Variants in RPL39L observed in about 807,000 individuals in gnomAD.
RPL39L encodes ribosomal protein eL39-like 2.
For synonymous variants in RPL39L, 16 were observed against 20.1 expected, an observed-to-expected ratio of 0.80 and a Z score of 0.55; for missense variants, 48 against 58.9, an observed-to-expected ratio of 0.81 and a Z score of 0.61.
At chr3:187,138,764 A>G (rs955519047) in intron 1 of RPL39L, among the ~76,000 whole-genome samples, 2 of 152,154 alleles carry the variant, frequency 1.3e-5, no homozygotes, top group African/African-American at 4.8e-5. Flanking sequence ...TGGCCTCCAG[A>G]AGCCACTACT....
intron 1 of RPL39L, among the ~76,000 whole-genome samples, chr3:187,134,333 G>T (rs73886103): frequency 0.024 from 3,673 of 152,028 alleles, 155 homozygotes; most frequent in African/African-American, 0.085. Context: ...GATATTTTTG[G>T]TTGTCACCAC....
At chr3:187,137,523 G>T (rs983902649) in intron 1 of RPL39L, among the ~76,000 whole-genome samples, 1 of 150,118 alleles carries the variant, frequency 6.7e-6, no homozygotes, top group African/African-American at 2.5e-5. Flanking sequence ...AAAAGAAAAA[G>T]AAAAATTGGC....
At chr3:187,123,757 A>G (rs1321186525) in intron 2 of RPL39L, among the ~76,000 whole-genome samples, 4 of 152,212 alleles carry the variant, frequency 2.6e-5, no homozygotes, top group Non-Finnish European at 5.9e-5. Flanking sequence ...TAGTAAGATA[A>G]AGAACTACAG....
At chr3:187,127,335 AT>A (rs1720414843) in intron 2 of RPL39L, among the ~76,000 whole-genome samples, 1 of 152,202 alleles carries the variant, frequency 6.6e-6, no homozygotes, top group Non-Finnish European at 1.5e-5. Context: ...GGACCCAAGA[AT>A]TTGCATTTCT....
At chr3:187,132,506 T>C (rs2108469783) in intron 1 of RPL39L, among the ~76,000 whole-genome samples, 1 of 152,314 alleles carries the variant, frequency 6.6e-6, no homozygotes, top group South Asian at 2.1e-4. Flanking sequence ...GACAAAAGAA[T>C]GGCAGATGCT....
At chr3:187,123,641 A>T (rs573246926) in intron 2 of RPL39L, among the ~76,000 whole-genome samples, 2 of 152,328 alleles carry the variant, frequency 1.3e-5, no homozygotes, top group East Asian at 1.9e-4. Flanking sequence ...TGGGTTGCCA[A>T]CAAACCCAGA....
At chr3:187,131,728 T>C (rs1230559794) in intron 1 of RPL39L, among the ~76,000 whole-genome samples, 1 of 152,202 alleles carries the variant, frequency 6.6e-6, no homozygotes, top group Non-Finnish European at 1.5e-5. Flanking sequence ...AAAGCTTATG[T>C]AGGTGAGGAT....
At chr3:187,132,850 C>T (rs977917573) in intron 1 of RPL39L, among the ~76,000 whole-genome samples, 3 of 152,292 alleles carry the variant, frequency 2.0e-5, no homozygotes, top group African/African-American at 7.2e-5. Context: ...CAGATCCAGG[C>T]AAACTGGAAC....
At chr3:187,137,821 CAAAA>C (rs36040788) in intron 1 of RPL39L, among the ~76,000 whole-genome samples, 3 of 115,644 alleles carry the variant, frequency 2.6e-5, no homozygotes, top group Non-Finnish European at 2.1e-5. Flanking sequence ...TACTCCGTCT[CAAAA>C]AAAAAAAAAA....
chr3:187,134,690 A>T (rs1157516506), intron 1 of RPL39L, among the ~76,000 whole-genome samples: 2 of 152,180 alleles, frequency 1.3e-5, no homozygotes, highest in African/African-American at 4.8e-5. Flanking sequence ...GTAAGTGCAT[A>T]ACCTAAGTAG....
chr3:187,137,198 C>CCAA (rs1720595085), intron 1 of RPL39L, among the ~76,000 whole-genome samples: 1 of 37,626 alleles, frequency 2.7e-5, no homozygotes, highest in Non-Finnish European at 5.1e-5. Flanking sequence ...CACTCTTCCT[C>CCAA]AAAAAAAAAA....
At position 187,139,401 on chromosome 3, in the gene RPL39L, G is replaced by C. The variant is rs1436881349; in HGVS notation, c.-281C>G. 1 of 152,226 alleles carries C rather than the reference G, an allele frequency of 6.6e-6. No homozygotes were observed. Among genetic ancestry groups the C allele is most frequent in the African/African-American group, 2.4e-5 (1 of 41,472 alleles). 9.4% of individuals were successfully genotyped at this position (152,226 alleles called of 1,614,324 possible). A position where few individuals can be genotyped will look rare whatever the true frequency, so the allele number is the denominator to read the frequency against. On this transcript the variant is annotated 5_prime_UTR_variant, in exon 1 of 3. Transcript: ENST00000296277. ...TTGTCGCAGGGGCCTTGGTGTCTCT[G>C]AGACTCCGAGACGCCTCGCCCCCAC...
At chr3:187,129,704 G>C (rs1720454835) in intron 1 of RPL39L, among the ~76,000 whole-genome samples, 2 of 152,144 alleles carry the variant, frequency 1.3e-5, no homozygotes, top group African/African-American at 4.8e-5. Flanking sequence ...AATTGTACTG[G>C]ATTATGAACC....
chr3:187,135,571 A>G (rs1720561086), intron 1 of RPL39L, among the ~76,000 whole-genome samples: 1 of 151,524 alleles, frequency 6.6e-6, no homozygotes, highest in Non-Finnish European at 1.5e-5. Context: ...AGCGCAATAA[A>G]CCTCCTTCTT....
intron 1 of RPL39L, among the ~76,000 whole-genome samples, chr3:187,133,314 C>T (rs1451702730): frequency 6.6e-6 from 1 of 152,090 alleles, no homozygotes; most frequent in Non-Finnish European, 1.5e-5. Context: ...TTCCCCCGTG[C>T]TGTTCTTGTG....
chr3:187,138,134 G>T (rs1720617190), intron 1 of RPL39L, among the ~76,000 whole-genome samples: 1 of 152,070 alleles, frequency 6.6e-6, no homozygotes, highest in Non-Finnish European at 1.5e-5. Context: ...GTCTAGAGAA[G>T]AAACTCTTTT....
chr3:187,122,149 A>G (rs1720321299), intron 2 of RPL39L, among the ~76,000 whole-genome samples: 1 of 152,236 alleles, frequency 6.6e-6, no homozygotes, highest in African/African-American at 2.4e-5. Context: ...CTAATTATCA[A>G]AATTGACCAC....
At chr3:187,124,833 C>T (rs1324188563) in intron 2 of RPL39L, among the ~76,000 whole-genome samples, 1 of 152,282 alleles carries the variant, frequency 6.6e-6, no homozygotes, top group Admixed American at 6.5e-5. Context: ...TTAAATTAGG[C>T]CATTAAATTA....
At chr3:187,124,843 A>C (rs1231252586) in intron 2 of RPL39L, among the ~76,000 whole-genome samples, 2 of 152,220 alleles carry the variant, frequency 1.3e-5, no homozygotes, top group East Asian at 3.8e-4. Context: ...CCATTAAATT[A>C]GACCACTGGG....
Sources: gnomAD v4.1 joint callset for allele counts (sites outside exome capture counted in the v4.1 genomes callset) on GRCh38, gnomAD v4.1.1 for gene constraint, MANE v1.5 for transcripts, NCBI Gene and HGNC (gene_info 2026-07-23, HGNC 2026-07-21) for gene names.